The following PI4KB variants were observed in gnomAD, a reference collection of about 807,000 sequenced individuals.
PI4KB encodes the protein PtdIns 4-kinase beta.
In PI4KB, 23 loss-of-function variants were observed where a neutral mutation model predicts 81.4. The observed-to-expected ratio is 0.28, with a 90% CI of 0.20 to 0.40. The LOEUF (loss-of-function observed/expected upper bound fraction) is 0.40, where lower values mean the gene tolerates loss of function less well. Ranked by LOEUF, PI4KB falls within the 10% of genes least tolerant of loss-of-function variation. The pLI is 1.00. For missense variants in PI4KB, 651 were observed against 1,036.6 expected, an observed-to-expected ratio of 0.63 and a Z score of 5.11; for synonymous variants, 381 against 406.8, an observed-to-expected ratio of 0.94 and a Z score of 0.76.
chr1:151,313,082 G>A (rs1488273489), intron 2 of PI4KB, among the ~76,000 whole-genome samples: 1 of 151,714 alleles, frequency 6.6e-6, no homozygotes, highest in Non-Finnish European at 1.5e-5. Context: ...AAGGAAGGAA[G>A]GACGGATGGA....
intron 5 of PI4KB, among the ~76,000 whole-genome samples, chr1:151,305,895 G>A (rs182192779): frequency 5.3e-5 from 8 of 152,176 alleles, no homozygotes; most frequent in East Asian, 3.9e-4. Context: ...CACTCCCCTT[G>A]GCCTAGAAGC....
Position 151,292,554 on chromosome 1 carries a change from C to T in PI4KB, c.*298G>A, listed in dbSNP as rs1694379978. On this transcript the variant is annotated 3_prime_UTR_variant, in exon 12 of 12. Coordinates refer to ENST00000368873, the MANE Select transcript of PI4KB (RefSeq NM_001369623.2). ...CAAGGAGAAGAAAGGCCCCAGTGTC[C>T]CTCACATTTGTCACCTCTGTTTTCT... 1 of 354,704 alleles carries T rather than the reference C, an allele frequency of 2.8e-6. No homozygotes were observed. Among genetic ancestry groups the T allele is most frequent in the Non-Finnish European group, 5.2e-6 (1 of 192,900 alleles). 22.0% of individuals were successfully genotyped at this position (354,704 alleles called of 1,614,324 possible).
intron 1 of PI4KB, among the ~76,000 whole-genome samples, chr1:151,319,975 G>A (rs1263001132): frequency 6.6e-6 from 1 of 152,216 alleles, no homozygotes; most frequent in Non-Finnish European, 1.5e-5. Context: ...CCCTCTGGGA[G>A]GCTGTTTTCC....
chr1:151,301,103 T>G (rs912441064), intron 8 of PI4KB: 1 of 152,374 alleles, frequency 6.6e-6, no homozygotes, highest in Non-Finnish European at 1.5e-5. Context: ...AGGGGAAAGT[T>G]GCACTAGCTT....
intron 5 of PI4KB, among the ~76,000 whole-genome samples, chr1:151,305,050 G>A (rs910377103): frequency 6.6e-6 from 1 of 151,990 alleles, no homozygotes; most frequent in African/African-American, 2.4e-5. Context: ...GGCTGGTCTC[G>A]AACTCCTGAC....
At chr1:151,305,515 A>G (rs761960614) in intron 5 of PI4KB, among the ~76,000 whole-genome samples, 1 of 152,126 alleles carries the variant, frequency 6.6e-6, no homozygotes, top group Non-Finnish European at 1.5e-5. Flanking sequence ...CCCTCTGTCC[A>G]GCACTCTTTG....
chr1:151,293,534 TGAG>T, intron 11 of PI4KB: 1 of 654,170 alleles, frequency 1.5e-6, no homozygotes, highest in East Asian at 1.0e-4. Context: ...CCTGGAGCCT[TGAG>T]GAGGGGGATG....
chr1:151,300,767 C>G (rs1031465317), intron 8 of PI4KB: 1 of 152,210 alleles, frequency 6.6e-6, no homozygotes, highest in Non-Finnish European at 1.5e-5. Flanking sequence ...GCTCCATTTC[C>G]GACCTGGGCC....
chr1:151,303,231 C>G (rs1042169239), intron 6 of PI4KB: 2 of 256,738 alleles, frequency 7.8e-6, no homozygotes, highest in East Asian at 1.6e-4. Flanking sequence ...GATCTCCTGA[C>G]CTCGTGATCT....
At chr1:151,318,054 TCTC>T (rs2102001108) in intron 1 of PI4KB, among the ~76,000 whole-genome samples, 1 of 152,024 alleles carries the variant, frequency 6.6e-6, no homozygotes, top group South Asian at 2.1e-4. Context: ...CTCAAGCAAT[TCTC>T]CTGCCTCAGC....
chr1:151,307,758 A>C lies in PI4KB; in HGVS notation c.998T>G (p.Met333Arg). The C allele has an allele frequency of 6.2e-7, 1 of 1,614,178 alleles. No individual in the cohort carries two copies. Among genetic ancestry groups the C allele is most frequent in the Non-Finnish European group, 8.5e-7 (1 of 1,180,034 alleles). ...APEREFIKSL[M>R]AIGKRLATLP... ...CGTGGCCAGCCGCTTGCCGATCGCC[A>C]TCAGGGACTTGATGAATTCTCTCTC... Residue 333 changes from methionine (M) to arginine (R), a missense_variant, in exon 4 of 12, where the codon ATG becomes AGG. By Grantham distance (91) the Met-to-Arg change is moderately conservative (BLOSUM62 -1). Around this residue, in one of 5 missense-constraint regions of PI4KB, gnomAD observed 246 missense variants for 430.1 expected, o/e 0.57. Coordinates refer to ENST00000368873, the MANE Select transcript of PI4KB (RefSeq NM_001369623.2).
At chr1:151,293,835 G>T in intron 11 of PI4KB, 183 bp downstream of exon 11, 1 of 625,342 alleles carries the variant, frequency 1.6e-6, no homozygotes, top group Non-Finnish European at 2.7e-6. Flanking sequence ...TCTGGACTTA[G>T]CCTTACCAGG....
At position 151,307,750 on chromosome 1, in the gene PI4KB, C is replaced by T. The variant is rs755933059; in HGVS notation, c.1006G>A (p.Gly336Ser). ...REFIKSLMAI[G>S]KRLATLPTKE... The stretch of plus-strand genomic sequence containing the variant: ...GTGGGGAGCGTGGCCAGCCGCTTGC[C>T]GATCGCCATCAGGGACTTGATGAAT... The change falls in exon 4 of 12, where the codon GGC becomes AGC. Residue 336 changes from glycine (G) to serine (S), a missense_variant. Gly to Ser is a moderately conservative substitution (Grantham distance 56). Coordinates refer to ENST00000368873, the MANE Select transcript of PI4KB (RefSeq NM_001369623.2). 7.4e-6 allele frequency: 12 copies of T among 1,613,980 alleles called. No individual in the cohort carries two copies. Among genetic ancestry groups the T allele is most frequent in the African/African-American group, 1.3e-5 (1 of 74,882 alleles).
At chr1:151,323,378 G>T (rs1382149372) in intron 1 of PI4KB, among the ~76,000 whole-genome samples, 1 of 151,600 alleles carries the variant, frequency 6.6e-6, no homozygotes, top group African/African-American at 2.4e-5. Context: ...ATGGTGGCGG[G>T]TGCCTGTAAT....
chr1:151,314,439 T>A (rs140235610), intron 2 of PI4KB, among the ~76,000 whole-genome samples: 1 of 152,342 alleles, frequency 6.6e-6, no homozygotes, highest in East Asian at 1.9e-4. Flanking sequence ...TCTGTCCAGA[T>A]GTGGAGTGAA....
intron 9 of PI4KB, 116 bp from the exon 10 acceptor site, chr1:151,294,657 T>C: frequency 1.2e-6 from 1 of 859,140 alleles, no homozygotes; most frequent in South Asian, 1.6e-5. Flanking sequence ...CCTGCCATGT[T>C]TCCTGCTGCC....
chr1:151,326,350 T>C (rs1008212968), intron 1 of PI4KB: 3 of 611,128 alleles, frequency 4.9e-6, no homozygotes, highest in Non-Finnish European at 8.7e-6. Context: ...ACATTTTTCT[T>C]CTTAGTTCAA....
chr1:151,294,632 C>T, intron 9 of PI4KB, 91 bp from the exon 10 acceptor site: 10 of 1,250,424 alleles, frequency 8.0e-6, no homozygotes, highest in East Asian at 2.4e-5. Flanking sequence ...CACATGACAC[C>T]AGGGAGGGGG....
rs1269143363 is a variant in PI4KB at position 151,294,115 on chromosome 1, G to A, written c.2172C>T (p.Asp724=). The change falls in exon 11 of 12, where the codon GAC becomes GAT. Residue 724 remains aspartate (D), a synonymous_variant. Coordinates refer to ENST00000368873, the MANE Select transcript of PI4KB (RefSeq NM_001369623.2). ...FVDVMGGLDG[D]MFNYYKMLML... ...TCAGCATCTTATAGTAGTTGAACAT[G>A]TCGCCATCCAGGCCGCCCATCACCT... is the stretch of plus-strand genomic sequence containing the variant. The A allele has an allele frequency of 6.2e-7, 1 of 1,613,740 alleles. No individual in the cohort carries two copies. Among genetic ancestry groups the A allele is most frequent in the Non-Finnish European group, 8.5e-7 (1 of 1,179,880 alleles).
Sources: gnomAD v4.1 joint callset for allele counts (sites outside exome capture counted in the v4.1 genomes callset) on GRCh38, gnomAD v4.1.1 for gene constraint, gnomAD v4.1.1 regional missense constraint, MANE v1.5 for transcripts, NCBI Gene and HGNC (gene_info 2026-07-23, HGNC 2026-07-21) for gene names.